RP1: variants seen among roughly 807,000 people sequenced by gnomAD.
RP1 encodes oxygen-regulated protein 1.
In RP1, 16 loss-of-function variants were observed where a neutral mutation model predicts 14.8. That is an observed-to-expected ratio of 1.08 (90% CI 0.73 to 1.65). The LOEUF is 1.65. Among genes scored for constraint, RP1 ranks in the 40% most tolerant of loss-of-function variants. The pLI is 0.00. For missense variants in RP1, 2,631 were observed against 2,535.0 expected, an observed-to-expected ratio of 1.04 and a Z score of -0.81; for synonymous variants, 876 against 883.6, an observed-to-expected ratio of 0.99 and a Z score of 0.15.
chr8:54,854,766 G>A (rs1812149723), intron 26 of RP1, among the ~76,000 whole-genome samples: 1 of 152,194 alleles, frequency 6.6e-6, no homozygotes, highest in East Asian at 1.9e-4. Context: ...TCAGGAGGCT[G>A]AGGCAGGAGA....
At chr8:54,724,893 A>G (rs772880429) in intron 16 of RP1, among the ~76,000 whole-genome samples, 1 of 152,222 alleles carries the variant, frequency 6.6e-6, no homozygotes. Context: ...TAAAATGCTC[A>G]TTCTTGTTTC....
At chr8:54,689,432 G>A (rs1363373811) in intron 12 of RP1, among the ~76,000 whole-genome samples, 2 of 152,052 alleles carry the variant, frequency 1.3e-5, no homozygotes, top group South Asian at 2.1e-4. Flanking sequence ...AAAGGGATTA[G>A]CATTCCTCAG....
At chr8:54,559,939 A>G (rs929336053) in intron 1 of RP1, among the ~76,000 whole-genome samples, 7 of 152,332 alleles carry the variant, frequency 4.6e-5, no homozygotes, top group Non-Finnish European at 7.3e-5. Context: ...GAGAAGTTTA[A>G]TATGACTCTG....
At chr8:54,602,560 G>A (rs1380349681) in intron 1 of RP1, among the ~76,000 whole-genome samples, 2 of 152,126 alleles carry the variant, frequency 1.3e-5, no homozygotes, top group African/African-American at 2.4e-5. Flanking sequence ...CCAGTAATGG[G>A]ATGGCTGGGT....
chr8:54,584,516 T>C (rs1425495973), intron 1 of RP1, among the ~76,000 whole-genome samples: 1 of 152,192 alleles, frequency 6.6e-6, no homozygotes, highest in Non-Finnish European at 1.5e-5. Flanking sequence ...GTCTATTAGG[T>C]CCGCTTGGTG....
At chr8:54,689,170 G>C (rs1164226874) in intron 12 of RP1, among the ~76,000 whole-genome samples, 3 of 152,130 alleles carry the variant, frequency 2.0e-5, no homozygotes, top group Non-Finnish European at 4.4e-5. Flanking sequence ...TTTGTATCCT[G>C]AGACTTTGCT....
At chr8:54,867,023 G>A (rs1812473778) in intron 28 of RP1, among the ~76,000 whole-genome samples, 1 of 152,160 alleles carries the variant, frequency 6.6e-6, no homozygotes, top group Non-Finnish European at 1.5e-5. Context: ...TAGAGTTCTT[G>A]TCTTCAAAGA....
chr8:54,605,515 G>C (rs900579348), intron 1 of RP1, among the ~76,000 whole-genome samples: 22 of 152,022 alleles, frequency 1.4e-4, no homozygotes, highest in Admixed American at 5.9e-4. Context: ...TGTATATTCT[G>C]TTGATTTGGG....
intron 1 of RP1, among the ~76,000 whole-genome samples, chr8:54,607,977 A>G (rs1365125436): frequency 4.6e-5 from 7 of 151,352 alleles, no homozygotes; most frequent in Non-Finnish European, 1.0e-4. Context: ...GAATTCCCTG[A>G]CCCCTTGCAC....
chr8:54,864,486 T>G (rs1236172900), intron 27 of RP1, among the ~76,000 whole-genome samples: 1 of 152,196 alleles, frequency 6.6e-6, no homozygotes, highest in East Asian at 1.9e-4. Context: ...TTTTTATTTT[T>G]TATAGCCATT....
chr8:54,657,647 A>G (rs777994126), intron 6 of RP1, among the ~76,000 whole-genome samples: 4 of 152,214 alleles, frequency 2.6e-5, no homozygotes, highest in Non-Finnish European at 5.9e-5. Flanking sequence ...AGGTGGTACA[A>G]ATAATGAAAG....
At chr8:54,630,942 A>G (rs987261850), downstream of RP1, 3 of 554,180 alleles carry the variant, frequency 5.4e-6, no homozygotes, top group Middle Eastern at 9.2e-4. Context: ...TCAAGTATCA[A>G]TTGGTTTGAA....
chr8:54,790,840 G>A (rs751776915), intron 24 of RP1, among the ~76,000 whole-genome samples: 3 of 152,070 alleles, frequency 2.0e-5, no homozygotes, highest in African/African-American at 2.4e-5. Flanking sequence ...AGCGAAGAAA[G>A]GTTATGAGTT....
intron 6 of RP1, among the ~76,000 whole-genome samples, chr8:54,657,267 A>G (rs1287162647): frequency 2.0e-5 from 3 of 152,190 alleles, no homozygotes; most frequent in Non-Finnish European, 4.4e-5. Context: ...GTTAGTAACA[A>G]TGCAGAGGTG....
At chr8:54,714,929 G>T (rs1309274407) in intron 15 of RP1, among the ~76,000 whole-genome samples, 1 of 152,174 alleles carries the variant, frequency 6.6e-6, no homozygotes, top group Non-Finnish European at 1.5e-5. Flanking sequence ...CTTTAAGAAA[G>T]GAATAAATTG....
chr8:54,737,640 C>T (rs1808965562), intron 18 of RP1, among the ~76,000 whole-genome samples: 1 of 152,132 alleles, frequency 6.6e-6, no homozygotes, highest in South Asian at 2.1e-4. Context: ...TATTTTCCTT[C>T]TTCCCAGTTG....
intron 24 of RP1, among the ~76,000 whole-genome samples, chr8:54,801,207 T>C (rs1262810063): frequency 1.3e-5 from 2 of 152,196 alleles, no homozygotes; most frequent in African/African-American, 4.8e-5. Context: ...TCTACCTGGC[T>C]TTGGCTCTTC....
intron 12 of RP1, among the ~76,000 whole-genome samples, chr8:54,688,375 G>A (rs1055958752): frequency 6.6e-6 from 1 of 152,160 alleles, no homozygotes; most frequent in African/African-American, 2.4e-5. Context: ...TTTTAGTCAT[G>A]AAGTCCTTGC....
At chr8:54,815,399 C>T (rs1370058770) in intron 24 of RP1, among the ~76,000 whole-genome samples, 1 of 152,126 alleles carries the variant, frequency 6.6e-6, no homozygotes, top group African/African-American at 2.4e-5. Context: ...ATCAATTAAC[C>T]AATACTTAAT....
Sources: allele counts gnomAD v4.1 joint callset (sites outside exome capture counted in the v4.1 genomes callset), GRCh38; gene constraint gnomAD v4.1.1; transcripts MANE v1.5; gene names NCBI Gene and HGNC (gene_info 2026-07-23, HGNC 2026-07-21).